Variants in MAGI2 observed in about 807,000 individuals in gnomAD.
The protein encoded by MAGI2 is membrane associated guanylate kinase, WW and PDZ domain containing 2.
Under a neutral mutation model 133.3 loss-of-function variants are expected in MAGI2, and 35 were observed. The observed-to-expected ratio is 0.26, with a 90% CI of 0.20 to 0.35. The LOEUF is 0.35. Among genes scored for constraint, MAGI2 ranks in the 10% least tolerant of loss-of-function variants. MAGI2 has a pLI of 1.00. For synonymous variants in MAGI2, 729 were observed against 710.6 expected (o/e 1.03, Z -0.41); for missense variants, 1,636 against 1,863.4 (o/e 0.88, Z 2.25).
intron 2 of MAGI2, among the ~76,000 whole-genome samples, chr7:78,777,940 C>G (rs1486105880): frequency 1.3e-5 from 2 of 152,154 alleles, no homozygotes; most frequent in Non-Finnish European, 2.9e-5. Context: ...TAACAATCCA[C>G]ATGAGAATAT....
intron 1 of MAGI2, among the ~76,000 whole-genome samples, chr7:79,313,566 C>G (rs1027067141): frequency 6.6e-5 from 10 of 152,038 alleles, no homozygotes; most frequent in African/African-American, 2.2e-4. Context: ...TAAAGGGTAT[C>G]ATTTAGGCCA....
chr7:78,626,559 G>A (rs545411971), intron 3 of MAGI2, among the ~76,000 whole-genome samples: 9 of 152,202 alleles, frequency 5.9e-5, no homozygotes, highest in Admixed American at 5.9e-4. Context: ...TTCATTTGCT[G>A]TTCACATTTG....
intron 16 of MAGI2, among the ~76,000 whole-genome samples, chr7:78,154,805 G>T (rs1206705381): frequency 6.6e-6 from 1 of 152,178 alleles, no homozygotes; most frequent in Non-Finnish European, 1.5e-5. Flanking sequence ...TATAAGGACA[G>T]GTGCTACAGC....
chr7:78,620,362 T>C (rs2150937188), intron 3 of MAGI2, among the ~76,000 whole-genome samples: 1 of 152,148 alleles, frequency 6.6e-6, no homozygotes, highest in African/African-American at 2.4e-5. Flanking sequence ...TAAAAGCTGA[T>C]TTTAGCTAGT....
intron 2 of MAGI2, among the ~76,000 whole-genome samples, chr7:78,698,515 A>T (rs973446880): frequency 2.6e-5 from 4 of 152,188 alleles, no homozygotes; most frequent in Non-Finnish European, 4.4e-5. Flanking sequence ...GTTTTTCACC[A>T]TTAGGAACTT....
At chr7:78,573,314 A>AATATATATATTTATATATGTATT (rs1563189200) in intron 3 of MAGI2, among the ~76,000 whole-genome samples, 2 of 47,732 alleles carry the variant, frequency 4.2e-5, no homozygotes, top group African/African-American at 1.7e-4. Context: ...ATATATATAA[A>AATATATATATTTATATATGTATT]TATATAAATA....
chr7:79,038,375 A>G (rs1691065019), intron 1 of MAGI2, among the ~76,000 whole-genome samples: 1 of 152,026 alleles, frequency 6.6e-6, no homozygotes. Context: ...ATTACAAAAA[A>G]TTTTGTGTTT....
chr7:79,273,997 A>C (rs896240311), intron 1 of MAGI2, among the ~76,000 whole-genome samples: 4 of 152,108 alleles, frequency 2.6e-5, no homozygotes, highest in Non-Finnish European at 5.9e-5. Flanking sequence ...CAGAAGTCAT[A>C]ATCCTGGGGT....
chr7:78,691,812 A>G (rs1816984548), intron 2 of MAGI2, among the ~76,000 whole-genome samples: 1 of 152,180 alleles, frequency 6.6e-6, no homozygotes, highest in Non-Finnish European at 1.5e-5. Flanking sequence ...ACCCTGTATG[A>G]CACTATAATG....
chr7:79,413,057 A>G (rs879311036), intron 1 of MAGI2: 4 of 152,200 alleles, frequency 2.6e-5, no homozygotes, highest in Non-Finnish European at 5.9e-5. Flanking sequence ...GAAAATAAGC[A>G]TAGTGCTGCC....
intron 2 of MAGI2, among the ~76,000 whole-genome samples, chr7:78,911,495 C>T (rs1271710618): frequency 6.6e-6 from 1 of 152,072 alleles, no homozygotes; most frequent in East Asian, 1.9e-4. Flanking sequence ...TAAGAAGATG[C>T]CATCTATGAG....
At chr7:78,355,108 T>G (rs1791928721) in intron 7 of MAGI2, among the ~76,000 whole-genome samples, 1 of 152,228 alleles carries the variant, frequency 6.6e-6, no homozygotes, top group African/African-American at 2.4e-5. Flanking sequence ...ATGCCATTAC[T>G]AGAAGATCAA....
At position 78,426,372 on chromosome 7, in the gene MAGI2, C is replaced by T. The variant is rs940530883; in HGVS notation, c.1046-57159G>A. Among the ~76,000 whole-genome samples, 5 of 152,010 alleles carry T rather than the reference C, an allele frequency of 3.3e-5. No homozygotes were observed. The East Asian group carries it at 9.7e-4, about 29-fold the overall frequency. On this transcript the variant is annotated intron_variant, in intron 6 of 21. Transcript: ENST00000354212. ...TATCGCAAGAACAAAAAACCAAACA[C>T]CGCATATTCTCACTCATAGGTGGGA...
rs559688332 is a variant in MAGI2, at chr7:78,584,921, T to C, written c.538+42199A>G. ...AATAATATGTACCTCACAGGGGTTT[T>C]GTAGGATTTAAATGAGACTGAAATT... is the stretch of plus-strand genomic sequence containing the variant. On this transcript the variant is annotated intron_variant, in intron 3 of 21. Coordinates refer to ENST00000354212, the MANE Select transcript of MAGI2 (RefSeq NM_012301.4). 2.0e-5 allele frequency among the ~76,000 whole-genome samples: 3 copies of C among 152,304 alleles called. No homozygotes were observed. The South Asian group carries it at 6.2e-4, about 32-fold the overall frequency.
chr7:79,415,001 G>A (rs1046160933), intron 1 of MAGI2: 1 of 152,152 alleles, frequency 6.6e-6, no homozygotes, highest in African/African-American at 2.4e-5. Flanking sequence ...AATAGATCCA[G>A]TAAGTTTAAA....
intron 7 of MAGI2, among the ~76,000 whole-genome samples, chr7:78,363,062 A>G (rs1372842613): frequency 2.6e-5 from 4 of 152,244 alleles, no homozygotes; most frequent in African/African-American, 9.6e-5. Context: ...ACATTGGTAT[A>G]TCTACTATTA....
chr7:78,688,341 A>G (rs1401783835), intron 2 of MAGI2, among the ~76,000 whole-genome samples: 1 of 152,226 alleles, frequency 6.6e-6, no homozygotes, highest in Non-Finnish European at 1.5e-5. Flanking sequence ...GATAAAGGAA[A>G]GGACCAACCA....
intron 12 of MAGI2, among the ~76,000 whole-genome samples, chr7:78,187,296 G>T (rs956059608): frequency 6.6e-5 from 10 of 151,794 alleles, no homozygotes; most frequent in African/African-American, 1.9e-4. Context: ...TATTATTTTG[G>T]TCTATAAAAT....
chr7:78,322,641 A>T (rs931228307), intron 9 of MAGI2, among the ~76,000 whole-genome samples: 3 of 152,150 alleles, frequency 2.0e-5, no homozygotes, highest in Non-Finnish European at 4.4e-5. Flanking sequence ...GGATAGCATT[A>T]GGAGAAATAC....
Sources: allele counts gnomAD v4.1 joint callset (sites outside exome capture counted in the v4.1 genomes callset), GRCh38; gene constraint gnomAD v4.1.1; transcripts MANE v1.5; gene names NCBI Gene and HGNC (gene_info 2026-07-23, HGNC 2026-07-21).